SIPA1L1: variants seen among roughly 807,000 people sequenced by gnomAD.
SIPA1L1 encodes the protein signal induced proliferation associated 1 like 1, also known as signal-induced proliferation-associated 1-like protein 1.
Under a neutral mutation model 162.7 loss-of-function variants are expected in SIPA1L1, and 26 were observed. That is an observed-to-expected ratio of 0.16 (90% CI 0.12 to 0.22). The LOEUF is 0.22. SIPA1L1 is among the 10% of genes least tolerant of loss of function. The pLI is 1.00. For missense variants in SIPA1L1, 1,874 were observed against 2,241.0 expected (o/e 0.84, Z 3.31); for synonymous variants, 829 against 837.4 (o/e 0.99, Z 0.17).
chr14:71,535,227 G>T (rs908103059), intron 4 of SIPA1L1, among the ~76,000 whole-genome samples: 3 of 152,202 alleles, frequency 2.0e-5, no homozygotes, highest in Admixed American at 1.3e-4. Context: ...AAATACCTAT[G>T]TATGGTGTGT....
intron 8 of SIPA1L1, among the ~76,000 whole-genome samples, chr14:71,655,089 T>C (rs1448757200): frequency 1.3e-5 from 2 of 152,094 alleles, no homozygotes; most frequent in African/African-American, 4.8e-5. Flanking sequence ...GATTTTGAGG[T>C]GGAGTAGGGT....
At chr14:71,727,489 C>T (rs895016728) in intron 19 of SIPA1L1, among the ~76,000 whole-genome samples, 1 of 150,446 alleles carries the variant, frequency 6.6e-6, no homozygotes, top group South Asian at 2.1e-4. Context: ...AGAATTCAGA[C>T]AGTAGAGTTT....
intron 2 of SIPA1L1, among the ~76,000 whole-genome samples, chr14:71,353,814 C>T (rs1204774854): frequency 6.6e-6 from 1 of 151,794 alleles, no homozygotes. Flanking sequence ...TTATTTTTTG[C>T]CTGAGCAACT....
chr14:71,626,221 A>G (rs1306468374), intron 7 of SIPA1L1, among the ~76,000 whole-genome samples: 1 of 152,202 alleles, frequency 6.6e-6, no homozygotes, highest in African/African-American at 2.4e-5. Context: ...AGTCTCTTCA[A>G]TTTTACTTTG....
At chr14:71,501,473 A>G (rs963045432) in intron 2 of SIPA1L1, among the ~76,000 whole-genome samples, 1 of 152,204 alleles carries the variant, frequency 6.6e-6, no homozygotes, top group Non-Finnish European at 1.5e-5. Flanking sequence ...CTCTGACCCC[A>G]TTTAAATAAA....
chr14:71,711,191 T>A (rs2082851979), intron 17 of SIPA1L1, among the ~76,000 whole-genome samples: 1 of 152,248 alleles, frequency 6.6e-6, no homozygotes, highest in Non-Finnish European at 1.5e-5. Context: ...CTCAGTATTC[T>A]TGAGTACTAT....
chr14:71,735,538 C>T (rs753456213), intron 22 of SIPA1L1, 147 bp downstream of exon 22: 59 of 549,892 alleles, frequency 1.1e-4, no homozygotes, highest in Non-Finnish European at 1.6e-4. Context: ...TTAGTCAGAA[C>T]GCTTTGTAAC....
intron 3 of SIPA1L1, among the ~76,000 whole-genome samples, chr14:71,519,367 A>G (rs2144779547): frequency 6.6e-6 from 1 of 152,138 alleles, no homozygotes; most frequent in East Asian, 1.9e-4. Context: ...TATAACACAC[A>G]TGCATTTATA....
At chr14:71,457,054 T>G (rs2046235627) in intron 2 of SIPA1L1, among the ~76,000 whole-genome samples, 2 of 152,200 alleles carry the variant, frequency 1.3e-5, no homozygotes, top group Non-Finnish European at 2.9e-5. Flanking sequence ...AGTGCTGGGA[T>G]TACAGTAAAT....
At chr14:71,733,111 T>G (rs890342537) in intron 20 of SIPA1L1, among the ~76,000 whole-genome samples, 14 of 152,168 alleles carry the variant, frequency 9.2e-5, no homozygotes, top group Non-Finnish European at 1.6e-4. Context: ...CTTGGGAGGC[T>G]GAAGCAGGAG....
At chr14:71,363,307 A>G (rs572325273) in intron 2 of SIPA1L1, among the ~76,000 whole-genome samples, 2 of 152,334 alleles carry the variant, frequency 1.3e-5, no homozygotes, top group African/African-American at 4.8e-5. Context: ...ATAATTTGGA[A>G]TTTACAGAGC....
In SIPA1L1 at chr14:71,339,375, T is replaced by G. The variant is rs912662446; in HGVS notation, c.-465+18194T>G. ...TTACTTTTCTTTCTTTCTTTTTTTT[T>G]TTTTTGGGACAAAGTCTCGCTCTGT... On this transcript the variant is annotated intron_variant, in intron 2 of 23. Coordinates refer to ENST00000381232, the MANE Select transcript of SIPA1L1 (RefSeq NM_001386936.1). Among the ~76,000 whole-genome samples, 11 of 151,908 alleles carry G rather than the reference T, an allele frequency of 7.2e-5. No individual in the cohort carries two copies. In the South Asian group the frequency reaches 2.3e-3, roughly 32 times the overall value.
chr14:71,711,179 G>A (rs1369623990), intron 17 of SIPA1L1, among the ~76,000 whole-genome samples: 1 of 152,236 alleles, frequency 6.6e-6, no homozygotes, highest in African/African-American at 2.4e-5. Flanking sequence ...TGGGAAAGTA[G>A]TCTCAGTATT....
chr14:71,604,081 C>T (rs1432526174), intron 5 of SIPA1L1, among the ~76,000 whole-genome samples: 1 of 148,908 alleles, frequency 6.7e-6, no homozygotes, highest in East Asian at 2.0e-4. Context: ...ACTGCAACCT[C>T]TTGCCTCCCA....
chr14:71,616,059 G>A (rs886617490), intron 5 of SIPA1L1, among the ~76,000 whole-genome samples: 1 of 152,120 alleles, frequency 6.6e-6, no homozygotes, highest in African/African-American at 2.4e-5. Context: ...TGTCTGGAGA[G>A]GACATGTAGA....
At chr14:71,616,334 C>T (rs2038830529) in intron 5 of SIPA1L1, among the ~76,000 whole-genome samples, 1 of 151,982 alleles carries the variant, frequency 6.6e-6, no homozygotes, top group Non-Finnish European at 1.5e-5. Flanking sequence ...CATTGGTGAC[C>T]CATGCAGTGG....
chr14:71,558,143 T>C (rs551103640), intron 4 of SIPA1L1, among the ~76,000 whole-genome samples: 2 of 152,328 alleles, frequency 1.3e-5, no homozygotes, highest in South Asian at 2.1e-4. Flanking sequence ...AAAGTAAATA[T>C]AAACATTTTT....
intron 5 of SIPA1L1, among the ~76,000 whole-genome samples, chr14:71,593,670 C>G (rs2035685905): frequency 6.6e-6 from 1 of 152,098 alleles, no homozygotes; most frequent in Non-Finnish European, 1.5e-5. Flanking sequence ...TTTCTGTGGC[C>G]CCACAGGACT....
intron 2 of SIPA1L1, among the ~76,000 whole-genome samples, chr14:71,342,946 G>A (rs1272281695): frequency 2.0e-5 from 3 of 152,020 alleles, no homozygotes; most frequent in Non-Finnish European, 4.4e-5. Context: ...TTAAACTTTC[G>A]TGGCCAAAGA....
Sources: gnomAD v4.1 joint callset for allele counts (sites outside exome capture counted in the v4.1 genomes callset) on GRCh38, gnomAD v4.1.1 for gene constraint, MANE v1.5 for transcripts, NCBI Gene and HGNC (gene_info 2026-07-23, HGNC 2026-07-21) for gene names.